Variants in CFDP1 observed in about 807,000 individuals in gnomAD.
CFDP1 encodes heterochromatin-stabilizing protein CFDP1.
CFDP1 carries 31 observed loss-of-function variants against 40.1 expected under a neutral mutation model. The observed-to-expected ratio is 0.77, with a 90% CI of 0.58 to 1.04. The LOEUF (loss-of-function observed/expected upper bound fraction) is 1.04. CFDP1 is among the 50% of genes least tolerant of loss of function. The pLI is 0.00. For synonymous variants in CFDP1, 167 were observed against 120.0 expected, an observed-to-expected ratio of 1.39 and a Z score of -2.56; for missense variants, 423 against 343.4, an observed-to-expected ratio of 1.23 and a Z score of -1.83.
chr16:75,425,026 T>C (rs1331252182), intron 1 of CFDP1, among the ~76,000 whole-genome samples: 1 of 152,182 alleles, frequency 6.6e-6, no homozygotes, highest in Non-Finnish European at 1.5e-5. Flanking sequence ...AGAACCTGTA[T>C]TGTATTTCCA....
Position 75,298,355 on chromosome 16 carries a change from GTAGTCACCCTGGCTGAAGTCCC to G in CFDP1, c.810-4335_810-4314del, listed in dbSNP as rs530922643. On this transcript the variant is annotated intron_variant, in intron 6 of 6. Transcript: ENST00000283882. The stretch of plus-strand genomic sequence containing the variant: ...AGGCCCAATGGAGTGCTGACCCGAC[GTAGTCACCCTGGCTGAAGTCCC>G]TGAGATGCCTCCTGCACCGCTGGTC... 2.4e-4 allele frequency among the ~76,000 whole-genome samples: 37 copies of G among 152,324 alleles called. No homozygotes were observed. The East Asian group carries it at 5.2e-3, about 21-fold the overall frequency.
In CFDP1 at chr16:75,348,569, GT is replaced by G. The variant is rs954996405; in HGVS notation, c.651-43388del. 2.6e-4 allele frequency among the ~76,000 whole-genome samples: 40 copies of G among 151,694 alleles called. 1 individual carries two copies. The highest frequency in any genetic ancestry group is 9.0e-4 in the African/African-American group (37 of 41,338). On this transcript the variant is annotated intron_variant, in intron 5 of 6. Transcript: ENST00000283882. ...AAAAACCTGCAGTAGACCATAAGTT[GT>G]TTTTTTCTTTTTTGGCTCACTTTAT...
chr16:75,402,003 T>C (rs761099198), intron 4 of CFDP1, among the ~76,000 whole-genome samples: 2 of 152,204 alleles, frequency 1.3e-5, no homozygotes, highest in Non-Finnish European at 2.9e-5. Flanking sequence ...TCTCTCAAAA[T>C]TTCTTAGTGC....
chr16:75,413,495 T>G (rs6564259), intron 2 of CFDP1, among the ~76,000 whole-genome samples: 77,562 of 148,536 alleles, frequency 0.52, 21,149 homozygotes, highest in Admixed American at 0.64. Flanking sequence ...GGAGGTTGCA[T>G]TGAGCAGAGA....
At chr16:75,428,133 T>G (rs1188326305) in intron 1 of CFDP1, among the ~76,000 whole-genome samples, 2 of 38,328 alleles carry the variant, frequency 5.2e-5, no homozygotes, top group Non-Finnish European at 1.7e-4. Flanking sequence ...GGAAATTTGT[T>G]TTTTTTTTTT....
rs145051324 is a variant in CFDP1 at position 75,413,659 on chromosome 16, A to C, written c.183-905T>G. Among the ~76,000 whole-genome samples, 106 of 152,078 alleles carry C rather than the reference A, an allele frequency of 7.0e-4. 1 individual carries two copies. The East Asian group carries it at 0.02, about 29-fold the overall frequency. On this transcript the variant is annotated intron_variant, in intron 2 of 6. Coordinates refer to ENST00000283882, the MANE Select transcript of CFDP1 (RefSeq NM_006324.3). The stretch of plus-strand genomic sequence containing the variant: ...TTTTGACTTTAGGTGAATCAATCTA[A>C]TATCTACATTCTTTTTTCTTTTTCA...
At chr16:75,353,746 CTCA>C (rs1567654691) in intron 5 of CFDP1, among the ~76,000 whole-genome samples, 2 of 36,544 alleles carry the variant, frequency 5.5e-5, no homozygotes, top group Non-Finnish European at 9.5e-5. Context: ...AAAAGTCCGT[CTCA>C]AAAAAAAAAA....
intron 4 of CFDP1, among the ~76,000 whole-genome samples, chr16:75,402,274 C>T (rs2079062256): frequency 1.3e-5 from 2 of 152,150 alleles, no homozygotes; most frequent in African/African-American, 4.8e-5. Flanking sequence ...CAAGTGTTCT[C>T]AACAGAAATT....
chr16:75,377,746 C>G (rs531463711), intron 5 of CFDP1, among the ~76,000 whole-genome samples: 3 of 152,208 alleles, frequency 2.0e-5, no homozygotes, highest in East Asian at 3.8e-4. Context: ...GAGGTTCACT[C>G]AGTTCTATTG....
intron 1 of CFDP1, among the ~76,000 whole-genome samples, chr16:75,425,390 CAAA>C (rs34282121): frequency 0.5 from 49,346 of 98,430 alleles, 9,856 homozygotes; most frequent in Admixed American, 0.58. Context: ...CCATCCCCCT[CAAA>C]AAAAAAAAAA....
At chr16:75,325,606 A>G (rs1406406861) in intron 5 of CFDP1, among the ~76,000 whole-genome samples, 1 of 152,226 alleles carries the variant, frequency 6.6e-6, no homozygotes, top group Non-Finnish European at 1.5e-5. Context: ...TGGAAACTCC[A>G]CAAGGGCTGG....
At chr16:75,355,375 C>T (rs986535275) in intron 5 of CFDP1, among the ~76,000 whole-genome samples, 3 of 152,220 alleles carry the variant, frequency 2.0e-5, no homozygotes, top group Non-Finnish European at 2.9e-5. Flanking sequence ...AGTCAATCCT[C>T]TCAAACCCTG....
chr16:75,414,467 A>T (rs1475044326), intron 2 of CFDP1, 111 bp downstream of exon 2: 2 of 680,198 alleles, frequency 2.9e-6, no homozygotes, highest in Admixed American at 2.3e-5. Flanking sequence ...CCTCAAAGAG[A>T]AAAGGGTTAG....
At chr16:75,415,466 C>T (rs547800214) in intron 1 of CFDP1, among the ~76,000 whole-genome samples, 11 of 152,306 alleles carry the variant, frequency 7.2e-5, no homozygotes, top group Admixed American at 2.0e-4. Context: ...GGCCCCAGCT[C>T]GAGGAACTGA....
intron 5 of CFDP1, among the ~76,000 whole-genome samples, chr16:75,357,161 C>T (rs2078650306): frequency 6.6e-6 from 1 of 152,018 alleles, no homozygotes; most frequent in Non-Finnish European, 1.5e-5. Context: ...GATCCACCCG[C>T]CTTGGCCTCC....
intron 5 of CFDP1, among the ~76,000 whole-genome samples, chr16:75,357,948 T>C (rs999922160): frequency 1.3e-5 from 2 of 152,236 alleles, no homozygotes; most frequent in African/African-American, 4.8e-5. Context: ...AAGTGAGAGA[T>C]GTGACTCTTC....
At chr16:75,428,183 G>A (rs12928898) in intron 1 of CFDP1, among the ~76,000 whole-genome samples, 77,695 of 150,716 alleles carry the variant, frequency 0.52, 21,092 homozygotes, top group Admixed American at 0.64. Flanking sequence ...CATTTTGGTG[G>A]AGGTTACACA....
intron 4 of CFDP1, among the ~76,000 whole-genome samples, chr16:75,404,425 G>A (rs1036732073): frequency 6.6e-5 from 10 of 151,800 alleles, no homozygotes; most frequent in African/African-American, 2.4e-4. Context: ...GTTTCACCGT[G>A]TTAGCCAGGA....
chr16:75,338,442 G>A (rs1251881914), intron 5 of CFDP1, among the ~76,000 whole-genome samples: 1 of 152,192 alleles, frequency 6.6e-6, no homozygotes, highest in Non-Finnish European at 1.5e-5. Context: ...GGAATGTTCA[G>A]GGCAGAGTAC....
Sources: gnomAD v4.1 joint callset for allele counts (sites outside exome capture counted in the v4.1 genomes callset) on GRCh38, gnomAD v4.1.1 for gene constraint, MANE v1.5 for transcripts, NCBI Gene and HGNC (gene_info 2026-07-23, HGNC 2026-07-21) for gene names.